Variants in RIMS1 observed in about 807,000 individuals in gnomAD.
RIMS1 encodes the protein regulating synaptic membrane exocytosis protein 1.
A neutral mutation model predicts 214.1 loss-of-function variants in RIMS1; 83 were observed. The ratio of observed to expected loss-of-function variants is 0.39; its 90% CI spans 0.32 to 0.47. RIMS1 has a LOEUF of 0.47. RIMS1 is among the 20% of genes least tolerant of loss of function. The pLI, the probability that RIMS1 is intolerant of heterozygous loss-of-function variation, is 0.99. For missense variants in RIMS1, 2,050 were observed against 2,161.8 expected (o/e 0.95, Z 1.03); for synonymous variants, 793 against 786.8 (o/e 1.01, Z -0.13).
chr6:72,163,984 C>G (rs948267186), intron 4 of RIMS1, among the ~76,000 whole-genome samples: 1 of 152,188 alleles, frequency 6.6e-6, no homozygotes, highest in African/African-American at 2.4e-5. Flanking sequence ...GCCCTGCCCC[C>G]AGAGGTGGAG....
At chr6:72,260,653 C>T (rs1021392303) in intron 18 of RIMS1, 52 bp from the exon 19 acceptor site, 21 of 1,601,474 alleles carry the variant, frequency 1.3e-5, no homozygotes, top group Non-Finnish European at 1.8e-5. Flanking sequence ...ATTGGCATAA[C>T]CCATGTCTCA....
intron 4 of RIMS1, among the ~76,000 whole-genome samples, chr6:72,175,062 G>T (rs1268625860): frequency 6.6e-6 from 1 of 150,512 alleles, no homozygotes; most frequent in Non-Finnish European, 1.5e-5. Flanking sequence ...ATCTACTTTT[G>T]TCAACAAAGT....
At chr6:72,130,239 T>C (rs2040233554) in intron 4 of RIMS1, among the ~76,000 whole-genome samples, 1 of 152,196 alleles carries the variant, frequency 6.6e-6, no homozygotes, top group Non-Finnish European at 1.5e-5. Context: ...TTATTTAATA[T>C]GTTGAATGAC....
rs560468833 is a variant in RIMS1, at chr6:72,309,167, C to T, written c.3963+1797C>T. ...TAAAATACTGAAAGCCTTTCTGGAT[C>T]ATCCTGAGCTGGGATTCTGATCATT... is the stretch of plus-strand genomic sequence containing the variant. On this transcript the variant is annotated intron_variant, in intron 27 of 33. Transcript: ENST00000521978. 2.0e-5 allele frequency among the ~76,000 whole-genome samples: 3 copies of T among 152,128 alleles called. No homozygotes were observed. In the East Asian group the frequency reaches 5.8e-4, roughly 29 times the overall value.
intron 10 of RIMS1, 120 bp from the exon 11 acceptor site, chr6:72,245,695 A>C: frequency 1.4e-6 from 1 of 700,686 alleles, no homozygotes; most frequent in South Asian, 1.9e-5. Flanking sequence ...AGTAACTCCT[A>C]TTCATTTCCA....
chr6:72,132,888 A>G (rs2040667061), intron 4 of RIMS1, among the ~76,000 whole-genome samples: 1 of 152,216 alleles, frequency 6.6e-6, no homozygotes, highest in Non-Finnish European at 1.5e-5. Flanking sequence ...TTGGACTAAT[A>G]TTTATTGAGC....
chr6:72,226,089 A>G (rs1459888111), intron 6 of RIMS1, among the ~76,000 whole-genome samples: 2 of 152,114 alleles, frequency 1.3e-5, no homozygotes, highest in South Asian at 2.1e-4. Context: ...GACCATGACC[A>G]CATTCTTATT....
At chr6:72,125,363 T>A (rs2039292984) in intron 4 of RIMS1, among the ~76,000 whole-genome samples, 1 of 152,118 alleles carries the variant, frequency 6.6e-6, no homozygotes, top group Non-Finnish European at 1.5e-5. Flanking sequence ...AAGCTTCGTC[T>A]CAGAGGGGCA....
intron 4 of RIMS1, among the ~76,000 whole-genome samples, chr6:72,135,170 T>C (rs2041082193): frequency 6.6e-6 from 1 of 152,152 alleles, no homozygotes; most frequent in South Asian, 2.1e-4. Context: ...CATAACTTTT[T>C]AGATACTCCT....
At chr6:72,116,080 G>A (rs1278937065) in intron 4 of RIMS1, among the ~76,000 whole-genome samples, 1 of 151,906 alleles carries the variant, frequency 6.6e-6, no homozygotes, top group Non-Finnish European at 1.5e-5. Flanking sequence ...GATGACTACT[G>A]AGGCAGTCTG....
chr6:71,887,234 G>A (rs1371237933), intron 1 of RIMS1, 47 bp downstream of exon 1: 4 of 1,569,334 alleles, frequency 2.5e-6, no homozygotes, highest in African/African-American at 1.4e-5. Flanking sequence ...GCCTCCATCC[G>A]TCCATTCACC....
At chr6:72,104,021 T>C (rs1480707654) in intron 4 of RIMS1, among the ~76,000 whole-genome samples, 1 of 152,168 alleles carries the variant, frequency 6.6e-6, no homozygotes, top group African/African-American at 2.4e-5. Context: ...TTTTAGAAGT[T>C]CATTTTTTTC....
chr6:71,928,421 T>C (rs933238466), intron 1 of RIMS1, among the ~76,000 whole-genome samples: 2 of 152,142 alleles, frequency 1.3e-5, no homozygotes, highest in African/African-American at 2.4e-5. Context: ...AAAGTCCATC[T>C]TTCTACATAT....
chr6:72,154,136 T>G (rs1409866089), intron 4 of RIMS1, among the ~76,000 whole-genome samples: 1 of 150,414 alleles, frequency 6.6e-6, no homozygotes. Context: ...ATATAAGGAA[T>G]AGCTGTATAT....
intron 6 of RIMS1, among the ~76,000 whole-genome samples, chr6:72,204,502 C>T (rs2052576672): frequency 6.6e-6 from 1 of 152,192 alleles, no homozygotes; most frequent in East Asian, 1.9e-4. Flanking sequence ...ACTTTTCCAT[C>T]TCCATTATTT....
rs763830459 is a variant in RIMS1, at chr6:72,252,763, T to G, written c.2701T>G (p.Ser901Ala). 1.8e-5 allele frequency: 28 copies of G among 1,557,968 alleles called. No individual in the cohort carries two copies. The Admixed American group carries it at 4.1e-4, about 23-fold the overall frequency. ...CTCTTTGCCTTACTGTTGTGCAGGA[T>G]CTCAGCGAATCAGTGATAGTGACAT... ...GESSSKKLQR[S>A]QRISDSDISD... The change falls in exon 16 of 34, where the codon TCT becomes GCT. Residue 901 changes from serine to alanine, a missense_variant and splice_region_variant. Physicochemically the swap from Ser to Ala is moderately conservative, Grantham distance 99. This residue lies in a region of RIMS1 where 889 missense variants were observed against 885.5 expected (regional missense o/e 1.00). Transcript: ENST00000521978.
chr6:72,064,554 G>A (rs903985809), intron 2 of RIMS1, among the ~76,000 whole-genome samples: 7 of 152,318 alleles, frequency 4.6e-5, no homozygotes, highest in African/African-American at 1.4e-4. Flanking sequence ...CCACTTGACA[G>A]GAAGCTGTGA....
chr6:72,094,427 C>T (rs1182376695), intron 2 of RIMS1, among the ~76,000 whole-genome samples: 3 of 151,884 alleles, frequency 2.0e-5, no homozygotes, highest in Admixed American at 6.6e-5. Flanking sequence ...AAACAGGTTC[C>T]CTTTTGATTG....
intron 1 of RIMS1, among the ~76,000 whole-genome samples, chr6:71,965,528 C>T (rs1195543915): frequency 2.0e-5 from 3 of 152,252 alleles, no homozygotes; most frequent in East Asian, 3.9e-4. Context: ...TGTACGTGCA[C>T]TGAAGAGTGG....
Sources: allele counts gnomAD v4.1 joint callset (sites outside exome capture counted in the v4.1 genomes callset), GRCh38; gene constraint gnomAD v4.1.1; regional missense constraint gnomAD v4.1.1; transcripts MANE v1.5; gene names NCBI Gene and HGNC (gene_info 2026-07-23, HGNC 2026-07-21).